Variants in ANKS1B observed in about 807,000 individuals in gnomAD.
The protein encoded by ANKS1B is ankyrin repeat and sterile alpha motif domain-containing protein 1B.
ANKS1B carries 36 observed loss-of-function variants against 148.3 expected under a neutral mutation model. The observed-to-expected ratio is 0.24, with a 90% CI of 0.19 to 0.32. The LOEUF (loss-of-function observed/expected upper bound fraction) is 0.32. Among genes scored for constraint, ANKS1B ranks in the 10% least tolerant of loss-of-function variants. The probability of loss-of-function intolerance (pLI) is 1.00; values close to 1 mark genes in which losing one functional copy is unlikely to be tolerated. For synonymous variants in ANKS1B, 542 were observed against 560.8 expected, an observed-to-expected ratio of 0.97 and a Z score of 0.47; for missense variants, 1,157 against 1,542.6, an observed-to-expected ratio of 0.75 and a Z score of 4.19.
At chr12:99,094,098 T>A (rs1488854873) in intron 15 of ANKS1B, among the ~76,000 whole-genome samples, 3 of 152,224 alleles carry the variant, frequency 2.0e-5, no homozygotes, top group Non-Finnish European at 2.9e-5. Flanking sequence ...AGCATTTGTT[T>A]GTTCAATAAA....
At chr12:99,657,905 A>G (rs980307235) in intron 8 of ANKS1B, among the ~76,000 whole-genome samples, 3 of 148,916 alleles carry the variant, frequency 2.0e-5, no homozygotes, top group African/African-American at 7.3e-5. Context: ...CTCAAAAAAA[A>G]AAAAAAAAAA....
intron 15 of ANKS1B, among the ~76,000 whole-genome samples, chr12:99,130,661 C>T (rs998912875): frequency 2.0e-5 from 3 of 152,158 alleles, no homozygotes; most frequent in African/African-American, 4.8e-5. Context: ...TGTCAGTGTG[C>T]TTACTCCCCA....
chr12:99,005,065 G>A (rs2099935332), intron 17 of ANKS1B, among the ~76,000 whole-genome samples: 1 of 152,196 alleles, frequency 6.6e-6, no homozygotes, highest in African/African-American at 2.4e-5. Flanking sequence ...AAAATATTCT[G>A]TTCTCATAAA....
intron 5 of ANKS1B, 75 bp from the exon 6 acceptor site, chr12:99,780,047 C>T (rs2064090064): frequency 9.4e-7 from 1 of 1,062,792 alleles, no homozygotes; most frequent in Non-Finnish European, 1.4e-6. Context: ...TATCTAACTG[C>T]TGTAATTTCA....
At chr12:99,565,374 A>T (rs2097378372) in intron 9 of ANKS1B, among the ~76,000 whole-genome samples, 1 of 152,192 alleles carries the variant, frequency 6.6e-6, no homozygotes, top group Non-Finnish European at 1.5e-5. Flanking sequence ...TGAAAGAGAC[A>T]AGCCATCCTT....
intron 17 of ANKS1B, among the ~76,000 whole-genome samples, chr12:99,015,651 G>C (rs1408671996): frequency 6.6e-6 from 1 of 152,172 alleles, no homozygotes; most frequent in East Asian, 1.9e-4. Flanking sequence ...CGGATCAGGA[G>C]GTCAGGCGAT....
intron 17 of ANKS1B, among the ~76,000 whole-genome samples, chr12:98,977,399 C>T (rs938371813): frequency 3.3e-5 from 5 of 152,152 alleles, no homozygotes; most frequent in Admixed American, 2.0e-4. Flanking sequence ...ATGATTAGCA[C>T]ATTCTAAAGG....
chr12:99,439,731 T>A (rs1174359890), intron 11 of ANKS1B, among the ~76,000 whole-genome samples: 1 of 151,756 alleles, frequency 6.6e-6, no homozygotes, highest in Non-Finnish European at 1.5e-5. Flanking sequence ...TGGAAAGCTG[T>A]TGGGAAGCTT....
chr12:99,078,803 C>T (rs549075859), intron 16 of ANKS1B, among the ~76,000 whole-genome samples: 1 of 128,444 alleles, frequency 7.8e-6, no homozygotes, highest in Non-Finnish European at 1.6e-5. Context: ...CTTGTGTAAA[C>T]ACCTCTATTA....
At chr12:98,814,601 A>C (rs745538194) in intron 19 of ANKS1B, among the ~76,000 whole-genome samples, 1 of 152,236 alleles carries the variant, frequency 6.6e-6, no homozygotes, top group Non-Finnish European at 1.5e-5. Flanking sequence ...AACATTTGTC[A>C]TTAGCATACC....
At chr12:99,794,556 G>A (rs1238267930) in intron 4 of ANKS1B, among the ~76,000 whole-genome samples, 1 of 151,468 alleles carries the variant, frequency 6.6e-6, no homozygotes, top group Non-Finnish European at 1.5e-5. Context: ...CAACATGGAT[G>A]GAACTGGAGA....
chr12:99,739,143 T>G (rs902896130), intron 8 of ANKS1B, among the ~76,000 whole-genome samples: 5 of 151,956 alleles, frequency 3.3e-5, no homozygotes, highest in East Asian at 1.9e-4. Flanking sequence ...ACAACCTCCA[T>G]GTCTTTAAGG....
chr12:99,462,632 C>T (rs2096001737), intron 10 of ANKS1B, among the ~76,000 whole-genome samples: 1 of 152,194 alleles, frequency 6.6e-6, no homozygotes, highest in African/African-American at 2.4e-5. Context: ...AAAAATCATA[C>T]AACTGCTAGA....
intron 15 of ANKS1B, among the ~76,000 whole-genome samples, chr12:99,148,636 T>C (rs758876703): frequency 5.9e-5 from 9 of 152,130 alleles, no homozygotes; most frequent in Non-Finnish European, 1.2e-4. Context: ...GACTACTCAT[T>C]AGATTGATTT....
chr12:99,810,664 T>G (rs2068240197), intron 3 of ANKS1B, among the ~76,000 whole-genome samples: 1 of 152,026 alleles, frequency 6.6e-6, no homozygotes, highest in Non-Finnish European at 1.5e-5. Context: ...TGTAATTTAA[T>G]TGATCTATTC....
chr12:99,221,042 T>C (rs1320693675), intron 14 of ANKS1B, among the ~76,000 whole-genome samples: 3 of 152,202 alleles, frequency 2.0e-5, no homozygotes, highest in Non-Finnish European at 1.5e-5. Flanking sequence ...AAAGTAATTT[T>C]AAAAATTTGC....
intron 1 of ANKS1B, among the ~76,000 whole-genome samples, chr12:99,949,695 T>C (rs993958077): frequency 6.6e-6 from 1 of 152,190 alleles, no homozygotes; most frequent in Non-Finnish European, 1.5e-5. Context: ...GTCATCCCTC[T>C]GCCACCCTCT....
At chr12:98,803,546 G>A (rs1312938776) in intron 20 of ANKS1B, among the ~76,000 whole-genome samples, 1 of 152,200 alleles carries the variant, frequency 6.6e-6, no homozygotes, top group Non-Finnish European at 1.5e-5. Flanking sequence ...TCCAGTGTCT[G>A]CTGATGTGAC....
At chr12:99,966,530 G>T (rs1421804438) in intron 1 of ANKS1B, among the ~76,000 whole-genome samples, 3 of 152,128 alleles carry the variant, frequency 2.0e-5, no homozygotes. Context: ...GCTGACACCA[G>T]ACTGCTCAAA....
Sources: gnomAD v4.1 joint callset for allele counts (sites outside exome capture counted in the v4.1 genomes callset) on GRCh38, gnomAD v4.1.1 for gene constraint, MANE v1.5 for transcripts, NCBI Gene and HGNC (gene_info 2026-07-23, HGNC 2026-07-21) for gene names.